Variants in CAPN7 observed in about 807,000 individuals in gnomAD.
The protein encoded by CAPN7 is calpain-7.
A neutral mutation model predicts 115.2 loss-of-function variants in CAPN7; 72 were observed. The observed-to-expected ratio is 0.63, with a 90% CI of 0.52 to 0.76. CAPN7 has a LOEUF of 0.76. CAPN7 is among the 30% of genes least tolerant of loss of function. The pLI is 0.00. For synonymous variants in CAPN7, 344 were observed against 322.3 expected (o/e 1.07, Z -0.72); for missense variants, 905 against 971.5 (o/e 0.93, Z 0.91).
Position 15,252,685 on chromosome 3 carries a change from C to T in CAPN7, c.*1425C>T, listed in dbSNP as rs1696053237. 6.6e-6 allele frequency: 1 copy of T among 151,958 alleles called. No individual in the cohort carries two copies. Among genetic ancestry groups the T allele is most frequent in the African/African-American group, 2.4e-5 (1 of 41,274 alleles). The allele number at this position is 151,958 out of a possible 1,614,324, so 9.4% of individuals were successfully genotyped here. On this transcript the variant is annotated 3_prime_UTR_variant, in exon 21 of 21. Transcript: ENST00000253693. ...CCTATATATGAACAACTTAAAGGCA[C>T]TGATTTCTATAATAGAGCTCTAAAA...
Position 15,227,725 on chromosome 3 carries a change from T to A in CAPN7, c.726-114T>A, listed in dbSNP as rs527557679. On this transcript the variant is annotated intron_variant, in intron 6 of 20. Transcript: ENST00000253693. ...TGACCAGAAGGTTATTTTAAGATAATACAGTACTGCTATAATCACTAGACC... is the reference window on the plus strand; with the variant it reads ...TGACCAGAAGGTTATTTTAAGATAAAACAGTACTGCTATAATCACTAGACC... The A allele has an allele frequency of 9.8e-6, 5 of 510,628 alleles. No homozygotes were observed. In the South Asian group the frequency reaches 3.6e-4, roughly 37 times the overall value. The allele number at this position is 510,628 out of a possible 1,614,324, so 31.6% of individuals were successfully genotyped here.
intron 2 of CAPN7, among the ~76,000 whole-genome samples, chr3:15,213,784 T>C (rs953412866): frequency 2.0e-5 from 3 of 152,162 alleles, no homozygotes; most frequent in Non-Finnish European, 4.4e-5. Flanking sequence ...AAATAAATTC[T>C]AAACATTGAT....
chr3:15,250,140 A>G (rs868082495), intron 19 of CAPN7, among the ~76,000 whole-genome samples: 6 of 151,112 alleles, frequency 4.0e-5, no homozygotes, highest in Non-Finnish European at 4.4e-5. Context: ...TGGGAGGCCA[A>G]TGTAGGAGGA....
intron 10 of CAPN7, 107 bp downstream of exon 10, chr3:15,232,772 A>G: frequency 1.1e-6 from 1 of 923,214 alleles, no homozygotes; most frequent in Non-Finnish European, 1.6e-6. Context: ...GAAAGAGAGC[A>G]GATTATCAAC....
In CAPN7 at chr3:15,252,005, T is replaced by G. The variant is rs975067404; in HGVS notation, c.*745T>G. The G allele has an allele frequency of 2.0e-5, 3 of 152,496 alleles. No individual in the cohort carries two copies. The highest frequency in any genetic ancestry group is 4.4e-5 in the Non-Finnish European group (3 of 68,014). 9.4% of individuals were successfully genotyped at this position (152,496 alleles called of 1,614,324 possible). ...TGAAGACATTACAATTTAGTTTGTG[T>G]GGTCTTTTTTTAAATTGCTGTATCG... On this transcript the variant is annotated 3_prime_UTR_variant, in exon 21 of 21. Coordinates refer to ENST00000253693, the MANE Select transcript of CAPN7 (RefSeq NM_014296.3).
chr3:15,234,837 T>TA (rs1694892770), intron 11 of CAPN7, among the ~76,000 whole-genome samples, 188 bp from the exon 12 acceptor site: 1 of 144,402 alleles, frequency 6.9e-6, no homozygotes, highest in South Asian at 2.1e-4. Context: ...TGCCAGAAAC[T>TA]TAAAAAAAGA....
rs566957976 is a variant in CAPN7 at position 15,229,561 on chromosome 3, C to CTTTTTTTTTT, written c.938+521_938+530dup. Among the ~76,000 whole-genome samples the CTTTTTTTTTT allele has an allele frequency of 2.0e-3, 174 of 87,882 alleles. 12 individuals carry two copies. Among genetic ancestry groups the CTTTTTTTTTT allele is most frequent in the East Asian group, 7.5e-3 (16 of 2,136 alleles). The allele number at this position is 87,882 out of a possible 152,430, so 57.7% of individuals were successfully genotyped here. On this transcript the variant is annotated intron_variant, in intron 8 of 20. Coordinates refer to ENST00000253693, the MANE Select transcript of CAPN7 (RefSeq NM_014296.3). ...CATCAAAATTGGTTTTACTTTTTTT[C>CTTTTTTTTTT]TTTTTTTTTTTTTTTTTTTTTTTTT...
At chr3:15,224,486 T>C (rs896234894) in intron 6 of CAPN7, among the ~76,000 whole-genome samples, 5 of 152,020 alleles carry the variant, frequency 3.3e-5, no homozygotes, top group Admixed American at 3.3e-4. Context: ...TTGGCCAGGC[T>C]GGTCTTGCAC....
At chr3:15,233,268 T>C (rs923516878) in intron 10 of CAPN7, among the ~76,000 whole-genome samples, 1 of 152,206 alleles carries the variant, frequency 6.6e-6, no homozygotes, top group African/African-American at 2.4e-5. Flanking sequence ...TGAAGTGACA[T>C]ATGCAAATCA....
At chr3:15,230,949 C>T (rs975867413) in intron 9 of CAPN7, among the ~76,000 whole-genome samples, 6 of 152,056 alleles carry the variant, frequency 3.9e-5, no homozygotes, top group African/African-American at 1.4e-4. Context: ...AATATATATG[C>T]ATAATTTTAA....
At chr3:15,227,239 G>A (rs1370228499) in intron 6 of CAPN7, among the ~76,000 whole-genome samples, 1 of 152,174 alleles carries the variant, frequency 6.6e-6, no homozygotes, top group Non-Finnish European at 1.5e-5. Flanking sequence ...GGTGGATTTG[G>A]CACCAGAGAC....
intron 6 of CAPN7, 97 bp downstream of exon 6, chr3:15,223,658 A>T (rs538264446): frequency 2.5e-6 from 2 of 789,780 alleles, no homozygotes; most frequent in South Asian, 3.5e-5. Context: ...TTTGTAATAA[A>T]AAAATTTGTT....
At chr3:15,248,921 G>A (rs945591492) in intron 19 of CAPN7, among the ~76,000 whole-genome samples, 10 of 150,616 alleles carry the variant, frequency 6.6e-5, no homozygotes, top group Admixed American at 2.6e-4. Context: ...ACTTGAGCCC[G>A]GGAGGCAGAG....
rs1575210278 is a variant in CAPN7, at chr3:15,232,629, A to G, written c.1143A>G (p.Lys381=). 3 of 1,611,788 alleles carry G rather than the reference A, an allele frequency of 1.9e-6. No individual in the cohort carries two copies. The highest frequency in any genetic ancestry group is 2.5e-6 in the Non-Finnish European group (3 of 1,179,148). ...CTCTCATAGAAAAAGCATACATGAA[A>G]GTCATGGGAGGATATGATTTTCCAG... The part of the protein sequence containing the change: ...WVSLIEKAYM[K]VMGGYDFPGS... Residue 381 remains lysine, a synonymous_variant, in exon 10 of 21, where the codon AAA becomes AAG. Coordinates refer to ENST00000253693, the MANE Select transcript of CAPN7 (RefSeq NM_014296.3).
intron 12 of CAPN7, among the ~76,000 whole-genome samples, chr3:15,239,582 T>C (rs1695219151): frequency 6.6e-6 from 1 of 152,220 alleles, no homozygotes; most frequent in Non-Finnish European, 1.5e-5. Flanking sequence ...TAGGATACTA[T>C]TTGTTTTAAA....
chr3:15,224,011 A>G (rs1203387021), intron 6 of CAPN7, among the ~76,000 whole-genome samples: 1 of 152,200 alleles, frequency 6.6e-6, no homozygotes, highest in East Asian at 1.9e-4. Flanking sequence ...AGCTTTAAAA[A>G]TATTGTTTGG....
chr3:15,209,050 G>A (rs761025364), intron 1 of CAPN7, among the ~76,000 whole-genome samples: 1 of 151,070 alleles, frequency 6.6e-6, no homozygotes, highest in African/African-American at 2.4e-5. Flanking sequence ...TGTTCTTGTT[G>A]CTCAGGCTGG....
Position 15,251,122 on chromosome 3 carries a change from G to T in CAPN7, c.2304G>T (p.Gly768=), listed in dbSNP as rs761001387. ...LRKSSGDYRC[G]FCYLELENIP... Reference sequence around the variant, plus strand: ...TCATTTTCTCTAAATATAGGTGTGGGTTTTGCTACCTGGAATTAGAAAATA... The same window carrying T: ...TCATTTTCTCTAAATATAGGTGTGGTTTTTGCTACCTGGAATTAGAAAATA... Residue 768 remains glycine (G), a synonymous_variant, in exon 21 of 21, where the codon GGG becomes GGT. Transcript: ENST00000253693. 1.2e-6 allele frequency: 2 copies of T among 1,605,624 alleles called. No individual in the cohort carries two copies. Among genetic ancestry groups the T allele is most frequent in the South Asian group, 1.1e-5 (1 of 89,612 alleles).
intron 5 of CAPN7, among the ~76,000 whole-genome samples, chr3:15,221,216 G>A (rs943018399): frequency 6.6e-6 from 1 of 151,572 alleles, no homozygotes; most frequent in African/African-American, 2.4e-5. Flanking sequence ...GTGTCACTCT[G>A]TTGTTCAGGC....
Sources: gnomAD v4.1 joint callset for allele counts (sites outside exome capture counted in the v4.1 genomes callset) on GRCh38, gnomAD v4.1.1 for gene constraint, MANE v1.5 for transcripts, NCBI Gene and HGNC (gene_info 2026-07-23, HGNC 2026-07-21) for gene names.